Variants in ROR1 observed in about 807,000 individuals in gnomAD.
ROR1 encodes ROR family WNT receptor 1.
Under a neutral mutation model 78.8 loss-of-function variants are expected in ROR1, and 19 were observed. The observed-to-expected ratio is 0.24, with a 90% CI of 0.17 to 0.35. The LOEUF (loss-of-function observed/expected upper bound fraction) is 0.35. Among genes scored for constraint, ROR1 ranks in the 10% least tolerant of loss-of-function variants. The pLI, the probability that ROR1 is intolerant of heterozygous loss-of-function variation, is 1.00. For missense variants in ROR1, 917 were observed against 1,177.8 expected (o/e 0.78, Z 3.24); for synonymous variants, 386 against 433.6 (o/e 0.89, Z 1.36).
chr1:64,134,748 CT>C (rs58315931), intron 4 of ROR1, among the ~76,000 whole-genome samples: 4,179 of 131,510 alleles, frequency 0.032, 136 homozygotes, highest in African/African-American at 0.1. Context: ...TTCTTTCATT[CT>C]TTTTTTTTTT....
At position 64,050,703 on chromosome 1, in the gene ROR1, A is replaced by G. The variant is rs1466132520; in HGVS notation, c.469A>G (p.Ser157Gly). The G allele has an allele frequency of 2.6e-5, 42 of 1,613,736 alleles. No homozygotes were observed. The Admixed American group carries it at 7.0e-4, about 27-fold the overall frequency. ...TTCTTCAGGCCCCCCTCCCACTGCA[A>G]GTCCAGGATACTCGTAAGTACTTTT... Reference protein sequence around the residue: ...FVKFGPPPTASPGYSDEYEED... With the variant: ...FVKFGPPPTAGPGYSDEYEED... The change falls in exon 4 of 9, where the codon AGT (serine) becomes GGT (glycine). Residue 157 changes from serine (S) to glycine (G), a missense_variant. Coordinates refer to ENST00000371079, the MANE Select transcript of ROR1 (RefSeq NM_005012.4).
At chr1:63,912,229 T>G (rs1645576536) in intron 1 of ROR1, among the ~76,000 whole-genome samples, 2 of 150,706 alleles carry the variant, frequency 1.3e-5, no homozygotes, top group African/African-American at 2.5e-5. Flanking sequence ...ACCCAGAAAT[T>G]CAAGGCTGCA....
intron 6 of ROR1, 48 bp downstream of exon 6, chr1:64,140,474 C>A: frequency 6.4e-7 from 1 of 1,557,806 alleles, no homozygotes; most frequent in Non-Finnish European, 8.8e-7. Flanking sequence ...GGTCAGCAAC[C>A]TGTTGGCACA....
chr1:63,966,180 T>C (rs1203460562), intron 1 of ROR1, among the ~76,000 whole-genome samples: 1 of 152,182 alleles, frequency 6.6e-6, no homozygotes, highest in Non-Finnish European at 1.5e-5. Context: ...CCCTCGGAAG[T>C]TGTCAAACAA....
chr1:63,947,669 A>G (rs569299737), intron 1 of ROR1, among the ~76,000 whole-genome samples: 14 of 152,156 alleles, frequency 9.2e-5, no homozygotes, highest in African/African-American at 3.4e-4. Context: ...GGTGTCAGCT[A>G]GAAGACCTTC....
intron 1 of ROR1, among the ~76,000 whole-genome samples, chr1:63,999,978 G>A (rs1437384186): frequency 2.6e-5 from 4 of 152,110 alleles, no homozygotes; most frequent in African/African-American, 4.8e-5. Flanking sequence ...CTTTTGAGTG[G>A]CATGTGACTT....
chr1:64,039,531 A>C (rs555193193), intron 2 of ROR1, among the ~76,000 whole-genome samples: 1 of 152,180 alleles, frequency 6.6e-6, no homozygotes, highest in Non-Finnish European at 1.5e-5. Flanking sequence ...ATACACACGG[A>C]CTTTGTCTTT....
chr1:64,075,085 T>C (rs1485776112), intron 4 of ROR1, among the ~76,000 whole-genome samples: 1 of 152,174 alleles, frequency 6.6e-6, no homozygotes, highest in African/African-American at 2.4e-5. Flanking sequence ...TGAATCCGAT[T>C]TGGGGTAACC....
At chr1:63,937,629 C>T (rs965026810) in intron 1 of ROR1, among the ~76,000 whole-genome samples, 4 of 151,984 alleles carry the variant, frequency 2.6e-5, no homozygotes, top group Non-Finnish European at 5.9e-5. Flanking sequence ...GTGGTCCTAA[C>T]GTTGAATAGA....
rs565138857 is a variant in ROR1 at position 64,086,961 on chromosome 1, T to A, written c.482+36245T>A. On this transcript the variant is annotated intron_variant, in intron 4 of 8. Coordinates refer to ENST00000371079, the MANE Select transcript of ROR1 (RefSeq NM_005012.4). ...TCTTAGAGTCAGTAAGAAGAAAAGC[T>A]AGGATTCTGCCAGTGGCTGAATTCA... Among the ~76,000 whole-genome samples the A allele has an allele frequency of 3.7e-4, 57 of 152,316 alleles. 1 individual carries two copies. The South Asian group carries it at 0.011, about 29-fold the overall frequency.
Position 64,049,961 on chromosome 1 carries a change from T to G in ROR1, c.434T>G (p.Val145Gly). 7 of 1,613,904 alleles carry G rather than the reference T, an allele frequency of 4.3e-6. No individual in the cohort carries two copies. The highest frequency in any genetic ancestry group is 5.9e-6 in the Non-Finnish European group (7 of 1,179,974). Residue 145 changes from valine to glycine, a missense_variant, in exon 3 of 9, where the codon GTC becomes GGC. Physicochemically the swap from Val to Gly is moderately radical, Grantham distance 109. Transcript: ENST00000371079. ...AAGGAGGTGGTTTCTTCCACTGGAG[T>G]CTTGTTTGTCAAGTTTGGTAAGCAG... ...NGKEVVSSTG[V>G]LFVKFGPPPT...
intron 4 of ROR1, among the ~76,000 whole-genome samples, chr1:64,131,626 T>A (rs1003881326): frequency 1.3e-5 from 2 of 152,140 alleles, no homozygotes; most frequent in African/African-American, 2.4e-5. Context: ...GTTATCGTTA[T>A]GTTTTAAAGA....
At position 64,156,986 on chromosome 1, in the gene ROR1, T is replaced by C. The variant is rs1001189482; in HGVS notation, c.1175-1995T>C. ...TACTTAACCACTCTGTCTTCCAGCA[T>C]CTTCACCTATAAAAATTAGGATAAG... On this transcript the variant is annotated intron_variant, in intron 7 of 8. Transcript: ENST00000371079. 5.3e-5 allele frequency among the ~76,000 whole-genome samples: 8 copies of C among 152,206 alleles called. 1 individual carries two copies. The highest frequency in any genetic ancestry group is 1.9e-4 in the African/African-American group (8 of 41,446).
rs1336302797 is a variant in ROR1, at chr1:64,181,219, G to A, written c.*2364G>A. ...CTGGTCTGTTTTTCTTGTTTCCTTT[G>A]TTTTTAACTTGATATAGATTTTCTT... On this transcript the variant is annotated 3_prime_UTR_variant, in exon 9 of 9. Coordinates refer to ENST00000371079, the MANE Select transcript of ROR1 (RefSeq NM_005012.4). 1 of 151,786 alleles carries A rather than the reference G, an allele frequency of 6.6e-6. No individual in the cohort carries two copies. The highest frequency in any genetic ancestry group is 1.5e-5 in the Non-Finnish European group (1 of 67,896). The allele number at this position is 151,786 out of a possible 1,614,324, so 9.4% of individuals were successfully genotyped here.
chr1:63,848,085 G>A (rs1419712113), intron 1 of ROR1, among the ~76,000 whole-genome samples: 1 of 152,118 alleles, frequency 6.6e-6, no homozygotes. Flanking sequence ...CTGGACTTAC[G>A]GATTGATTTA....
intron 1 of ROR1, among the ~76,000 whole-genome samples, chr1:63,854,040 T>C (rs774984449): frequency 6.6e-6 from 1 of 152,240 alleles, no homozygotes; most frequent in Non-Finnish European, 1.5e-5. Flanking sequence ...CTGTAGAATG[T>C]GAGCATTGGC....
intron 1 of ROR1, among the ~76,000 whole-genome samples, chr1:63,798,031 G>A (rs993645217): frequency 2.0e-5 from 3 of 152,236 alleles, no homozygotes; most frequent in South Asian, 2.1e-4. Context: ...CCCATGCCAT[G>A]CCAGCCAGCT....
intron 1 of ROR1, among the ~76,000 whole-genome samples, chr1:63,798,857 T>G (rs1644778530): frequency 6.6e-6 from 1 of 152,088 alleles, no homozygotes; most frequent in African/African-American, 2.4e-5. Context: ...CTGGTTCATC[T>G]CTGGACTACT....
intron 1 of ROR1, among the ~76,000 whole-genome samples, chr1:63,978,223 A>G (rs1459298374): frequency 2.0e-5 from 3 of 152,200 alleles, no homozygotes; most frequent in Non-Finnish European, 4.4e-5. Flanking sequence ...CGGGAAATTC[A>G]TGTTATCTAT....
Sources: gnomAD v4.1 joint callset for allele counts (sites outside exome capture counted in the v4.1 genomes callset) on GRCh38, gnomAD v4.1.1 for gene constraint, MANE v1.5 for transcripts, NCBI Gene and HGNC (gene_info 2026-07-23, HGNC 2026-07-21) for gene names.